The following PTK2 variants were observed in gnomAD, a reference collection of about 807,000 sequenced individuals.
The protein encoded by PTK2 is focal adhesion kinase 1.
In PTK2, 45 loss-of-function variants were observed where a neutral mutation model predicts 150.1. The ratio of observed to expected loss-of-function variants is 0.30; its 90% CI spans 0.24 to 0.38. The LOEUF (loss-of-function observed/expected upper bound fraction) is 0.38. PTK2 is among the 10% of genes least tolerant of loss of function. PTK2 has a pLI of 1.00. For missense variants in PTK2, 919 were observed against 1,307.3 expected, an observed-to-expected ratio of 0.70 and a Z score of 4.58; for synonymous variants, 432 against 449.2, an observed-to-expected ratio of 0.96 and a Z score of 0.48.
At chr8:140,688,876 A>G (rs1323631052) in intron 26 of PTK2, among the ~76,000 whole-genome samples, 1 of 152,234 alleles carries the variant, frequency 6.6e-6, no homozygotes, top group Non-Finnish European at 1.5e-5. Flanking sequence ...TGTGATATAT[A>G]TAACTAATGC....
intron 26 of PTK2, among the ~76,000 whole-genome samples, chr8:140,694,773 G>A (rs532870771): frequency 7.9e-5 from 12 of 152,130 alleles, no homozygotes; most frequent in Admixed American, 3.9e-4. Context: ...GGACCACAAC[G>A]AGATATAATT....
At position 140,964,910 on chromosome 8, in the gene PTK2, G is replaced by A. The variant is rs1459529195; in HGVS notation, c.-122+36215C>T. ...ATATTCTTTGCTCCCAAGAAAAAAG[G>A]TATTTATCCTATATCCTCTTTCTCT... On this transcript the variant is annotated intron_variant, in intron 1 of 31. Transcript: ENST00000522684. Among the ~76,000 whole-genome samples the A allele has an allele frequency of 2.0e-5, 3 of 152,046 alleles. No homozygotes were observed. In the East Asian group the frequency reaches 5.8e-4, roughly 29 times the overall value.
At chr8:140,700,191 C>A (rs890008313) in intron 26 of PTK2, among the ~76,000 whole-genome samples, 2 of 152,078 alleles carry the variant, frequency 1.3e-5, no homozygotes, top group African/African-American at 2.4e-5. Context: ...ACACACATGG[C>A]CCTTAAGGGT....
At chr8:140,747,761 G>GAGGAGGAAGGA (rs1160443312) in intron 17 of PTK2, among the ~76,000 whole-genome samples, 1 of 125,002 alleles carries the variant, frequency 8.0e-6, no homozygotes, top group African/African-American at 3.1e-5. Context: ...AGGAAGGAAG[G>GAGGAGGAAGGA]AGGAGGAAGG....
intron 31 of PTK2, 62 bp downstream of exon 35, chr8:140,664,855 C>T (rs2087848938): frequency 6.6e-7 from 1 of 1,522,452 alleles, no homozygotes; most frequent in African/African-American, 1.4e-5. Context: ...CCACAGGCAT[C>T]CCTGAATGTG....
At chr8:140,700,763 C>T in intron 26 of PTK2, 128 bp downstream of exon 29, 1 of 1,306,664 alleles carries the variant, frequency 7.7e-7, no homozygotes, top group Non-Finnish European at 1.0e-6. Flanking sequence ...TGGCCTATTC[C>T]AAGTTTTAAG....
intron 7 of PTK2, among the ~76,000 whole-genome samples, 164 bp from the exon 8 acceptor site, chr8:140,830,690 A>G (rs1264580502): frequency 6.6e-6 from 1 of 152,224 alleles, no homozygotes; most frequent in Non-Finnish European, 1.5e-5. Flanking sequence ...ATTCACAGGA[A>G]GGATGGGACA....
chr8:140,776,494 A>G (rs867120431), intron 14 of PTK2, among the ~76,000 whole-genome samples: 3 of 152,242 alleles, frequency 2.0e-5, no homozygotes, highest in Admixed American at 6.5e-5. Flanking sequence ...CAAAATTAAT[A>G]TAAGTACAGA....
rs114095935 is a variant in PTK2, at chr8:140,748,752, A to C, written c.1418-1892T>G. Among the ~76,000 whole-genome samples, 615 of 152,290 alleles carry C rather than the reference A, an allele frequency of 4.0e-3. 3 individuals carry two copies. Among genetic ancestry groups the C allele is most frequent in the African/African-American group, 0.014 (598 of 41,564 alleles). ...TGTATGTTAAGGTGTATGCATTTAT[A>C]ATTTCTAGTATCAGGGCTAAGAAGG... On this transcript the variant is annotated intron_variant, in intron 17 of 31. Coordinates refer to ENST00000522684, the Ensembl canonical transcript of PTK2.
chr8:140,890,129 T>C (rs1042764295), intron 3 of PTK2, among the ~76,000 whole-genome samples: 1 of 152,174 alleles, frequency 6.6e-6, no homozygotes, highest in Admixed American at 6.5e-5. Flanking sequence ...ACAGCATATG[T>C]TCAAGAGTTT....
chr8:140,754,745 G>A (rs771397692), intron 16 of PTK2, among the ~76,000 whole-genome samples: 1 of 152,166 alleles, frequency 6.6e-6, no homozygotes, highest in Non-Finnish European at 1.5e-5. Flanking sequence ...CTCAGCCTTC[G>A]GTTTGGCGAA....
At chr8:140,867,131 G>A (rs1171352487) in intron 4 of PTK2, among the ~76,000 whole-genome samples, 4 of 152,034 alleles carry the variant, frequency 2.6e-5, no homozygotes, top group Non-Finnish European at 2.9e-5. Context: ...CATGATAGTC[G>A]GGTTCTTTCT....
intron 7 of PTK2, among the ~76,000 whole-genome samples, chr8:140,843,710 C>T (rs1370415967): frequency 6.6e-6 from 1 of 151,790 alleles, no homozygotes; most frequent in Non-Finnish European, 1.5e-5. Context: ...TTAGATAGGC[C>T]TTTTATTTTA....
chr8:140,718,023 A>C (rs978415163), intron 22 of PTK2: 12 of 288,004 alleles, frequency 4.2e-5, no homozygotes, highest in Non-Finnish European at 6.8e-5. Context: ...GTTTATCTTG[A>C]GCAGAACAGA....
At chr8:140,887,975 A>G (rs985103831) in intron 3 of PTK2, among the ~76,000 whole-genome samples, 2 of 152,222 alleles carry the variant, frequency 1.3e-5, no homozygotes, top group Non-Finnish European at 2.9e-5. Flanking sequence ...TCAGTACCTG[A>G]ATAACAATAA....
chr8:140,739,825 C>A (rs1365078456), intron 20 of PTK2, among the ~76,000 whole-genome samples: 1 of 152,068 alleles, frequency 6.6e-6, no homozygotes, highest in Non-Finnish European at 1.5e-5. Context: ...CTGGCTGCGA[C>A]AGGAGGGAGA....
chr8:140,760,236 A>G (rs2154545752), intron 16 of PTK2, among the ~76,000 whole-genome samples: 1 of 152,258 alleles, frequency 6.6e-6, no homozygotes, highest in African/African-American at 2.4e-5. Flanking sequence ...AAAACAAAAC[A>G]AAACAAAACA....
chr8:140,907,548 C>CT (rs76036233), intron 2 of PTK2, among the ~76,000 whole-genome samples: 91 of 151,856 alleles, frequency 6.0e-4, no homozygotes, highest in African/African-American at 1.5e-3. Context: ...ATCCAACTGC[C>CT]TTTTTTTTAA....
intron 22 of PTK2, among the ~76,000 whole-genome samples, chr8:140,719,668 G>T (rs531176000): frequency 2.0e-5 from 3 of 152,082 alleles, no homozygotes; most frequent in Admixed American, 6.6e-5. Flanking sequence ...TTGCTAACTT[G>T]CTCTGTGCAA....
Sources: allele counts gnomAD v4.1 joint callset (sites outside exome capture counted in the v4.1 genomes callset), GRCh38; gene constraint gnomAD v4.1.1; transcripts MANE v1.5; gene names NCBI Gene and HGNC (gene_info 2026-07-23, HGNC 2026-07-21).